Variants in TEX9 observed in about 807,000 individuals in gnomAD.
TEX9 encodes testis-expressed protein 9.
TEX9 carries 74 observed loss-of-function variants against 59.6 expected under a neutral mutation model. The ratio of observed to expected loss-of-function variants is 1.24; its 90% confidence interval spans 1.03 to 1.51. The LOEUF (loss-of-function observed/expected upper bound fraction) is 1.51. TEX9 is among the 40% of genes most tolerant of loss of function. TEX9 has a pLI of 0.00. For missense variants in TEX9, 522 were observed against 447.8 expected, an observed-to-expected ratio of 1.17 and a Z score of -1.49; for synonymous variants, 186 against 152.2, an observed-to-expected ratio of 1.22 and a Z score of -1.64.
At chr15:56,263,384 C>T (rs115065517) in intron 1 of TEX9, among the ~76,000 whole-genome samples, 131 of 152,204 alleles carry the variant, frequency 8.6e-4, no homozygotes, top group African/African-American at 3.1e-3. Context: ...GTGCTTAGTC[C>T]GTTCATACTT....
At chr15:56,297,336 T>C (rs974179435) in intron 1 of TEX9, among the ~76,000 whole-genome samples, 1 of 152,204 alleles carries the variant, frequency 6.6e-6, no homozygotes, top group Non-Finnish European at 1.5e-5. Context: ...TAAAAACAAA[T>C]GCTCTTTTGT....
intron 1 of TEX9, among the ~76,000 whole-genome samples, chr15:56,355,929 T>C (rs2046675816): frequency 6.6e-6 from 1 of 152,070 alleles, no homozygotes; most frequent in African/African-American, 2.4e-5. Context: ...AAAACTATAA[T>C]TTTATAGAAT....
In TEX9 at chr15:56,294,423, T is replaced by A. The variant is rs778633270; in HGVS notation, c.-107+50145T>A. ...TTTTGTTTGTTGGCACATCTAACAT[T>A]ATTTTACTTGGAAATCAGTGATATA... On this transcript the variant is annotated intron_variant, in intron 1 of 5. Transcript: ENST00000560827. Among the ~76,000 whole-genome samples the A allele has an allele frequency of 3.3e-5, 5 of 152,344 alleles. No homozygotes were observed. The South Asian group carries it at 1.0e-3, about 32-fold the overall frequency.
intron 3 of TEX9, among the ~76,000 whole-genome samples, chr15:56,379,961 G>A (rs1316419023): frequency 1.3e-5 from 2 of 151,316 alleles, no homozygotes; most frequent in Non-Finnish European, 2.9e-5. Flanking sequence ...GACAGATCAT[G>A]GGGTCTTGTT....
At position 56,300,692 on chromosome 15, in the gene TEX9, A is replaced by AGAGAGGGAGG. The variant is rs1567077551; in HGVS notation, c.-107+56419_-107+56420insGGAGGGAGAG. On this transcript the variant is annotated intron_variant, in intron 1 of 5. Coordinates refer to the TEX9 transcript ENST00000560827. ...CAGTTCCAAGCAACTCAGCAGAGAG[A>AGAGAGGGAGG]GAGAGAGAGAGAGAGGGAGAGAGAG... Among the ~76,000 whole-genome samples the AGAGAGGGAGG allele has an allele frequency of 2.5e-4, 14 of 55,572 alleles. 1 individual carries two copies. The highest frequency in any genetic ancestry group is 8.0e-4 in the African/African-American group (13 of 16,254). 36.5% of individuals were successfully genotyped at this position (55,572 alleles called of 152,430 possible). A position where few individuals can be genotyped will look rare whatever the true frequency, so the allele number is the denominator to read the frequency against.
chr15:56,370,531 G>A (rs2047147363), intron 2 of TEX9, among the ~76,000 whole-genome samples: 1 of 152,078 alleles, frequency 6.6e-6, no homozygotes, highest in Non-Finnish European at 1.5e-5. Flanking sequence ...AATTCTAGAT[G>A]GCCAGCTTTT....
rs1360662988 is a variant in TEX9, at chr15:56,435,466, A to G, written c.*29+6993A>G. On this transcript the variant is annotated intron_variant, in intron 12 of 12. Coordinates refer to ENST00000352903, the Ensembl canonical transcript of TEX9. ...AAAATGAATGAATAAACAAATAACT[A>G]ATATCAGGAATAAAACATAGGATAT... Among the ~76,000 whole-genome samples the G allele has an allele frequency of 4.6e-5, 7 of 152,068 alleles. No individual in the cohort carries two copies. The East Asian group carries it at 1.3e-3, about 29-fold the overall frequency.
chr15:56,328,248 C>G (rs2046067463), intron 1 of TEX9, among the ~76,000 whole-genome samples: 2 of 152,148 alleles, frequency 1.3e-5, no homozygotes, highest in African/African-American at 4.8e-5. Context: ...AAAACGGAAC[C>G]TGCTGCATTC....
intron 1 of TEX9, among the ~76,000 whole-genome samples, chr15:56,305,447 C>T (rs1397170485): frequency 1.3e-5 from 2 of 152,030 alleles, no homozygotes; most frequent in African/African-American, 4.8e-5. Flanking sequence ...AGAAACAGAA[C>T]AGAGAACCCA....
intron 1 of TEX9, among the ~76,000 whole-genome samples, chr15:56,250,649 G>C (rs984358427): frequency 3.9e-5 from 6 of 152,218 alleles, no homozygotes; most frequent in Admixed American, 6.5e-5. Flanking sequence ...ATATTTTAAA[G>C]GAATTGGCTT....
intron 1 of TEX9, among the ~76,000 whole-genome samples, chr15:56,326,265 T>C (rs1383396057): frequency 1.2e-4 from 15 of 129,454 alleles, no homozygotes; most frequent in African/African-American, 3.3e-4. Flanking sequence ...TTAAGTGTCA[T>C]CGTGAATGCA....
intron 2 of TEX9, 32 bp from the exon 3 acceptor site, chr15:56,373,409 T>A (rs1395847633): frequency 6.3e-7 from 1 of 1,581,598 alleles, no homozygotes; most frequent in Non-Finnish European, 8.6e-7. Context: ...TGTTAAGATC[T>A]TCAGTATATC....
chr15:56,391,047 A>G (rs2048185604), intron 6 of TEX9, among the ~76,000 whole-genome samples, 196 bp from the exon 7 acceptor site: 1 of 152,092 alleles, frequency 6.6e-6, no homozygotes, highest in African/African-American at 2.4e-5. Context: ...AGATTTCATC[A>G]TAAATTTAAA....
chr15:56,459,519 CTG>C, the TEX9 span, among the ~76,000 whole-genome samples: 2 of 152,078 alleles, frequency 1.3e-5, no homozygotes, highest in Non-Finnish European at 1.5e-5. Flanking sequence ...CTTGCAGAAA[CTG>C]AGATAATAAA....
intron 10 of TEX9, among the ~76,000 whole-genome samples, chr15:56,426,622 T>A (rs4002382): frequency 1.7e-5 from 1 of 58,062 alleles, no homozygotes; most frequent in Non-Finnish European, 4.0e-5. Context: ...TATATATATA[T>A]ATATACACAC....
intron 1 of TEX9, among the ~76,000 whole-genome samples, chr15:56,317,300 C>G (rs1260504625): frequency 1.3e-5 from 2 of 152,240 alleles, no homozygotes; most frequent in Non-Finnish European, 1.5e-5. Flanking sequence ...CTCATTTCAT[C>G]TAGGCTACTG....
chr15:56,313,214 G>A (rs1396796878), intron 1 of TEX9, among the ~76,000 whole-genome samples: 1 of 144,666 alleles, frequency 6.9e-6, no homozygotes, highest in African/African-American at 2.6e-5. Context: ...GGGCATCCCT[G>A]TCTTGTGCCA....
chr15:56,250,823 C>A (rs562616475), intron 1 of TEX9, among the ~76,000 whole-genome samples: 1 of 152,068 alleles, frequency 6.6e-6, no homozygotes, highest in Admixed American at 6.5e-5. Flanking sequence ...TGGATGAGAC[C>A]CACCAAAATT....
chr15:56,366,578 A>G (rs1485894232), intron 2 of TEX9, among the ~76,000 whole-genome samples: 1 of 152,104 alleles, frequency 6.6e-6, no homozygotes, highest in East Asian at 1.9e-4. Context: ...TTCATTTGTG[A>G]ATTTCCTTTT....
Sources: allele counts gnomAD v4.1 joint callset (sites outside exome capture counted in the v4.1 genomes callset), GRCh38; gene constraint gnomAD v4.1.1; transcripts MANE v1.5; gene names NCBI Gene and HGNC (gene_info 2026-07-23, HGNC 2026-07-21).